GLIS3: variants seen among roughly 807,000 people sequenced by gnomAD.
GLIS3 encodes the protein GLIS family zinc finger 3, also known as zinc finger protein GLIS3.
A neutral mutation model predicts 78.6 loss-of-function variants in GLIS3; 53 were observed. That is an observed-to-expected ratio of 0.67 (90% CI 0.54 to 0.85). GLIS3 has a LOEUF of 0.85. Among genes scored for constraint, GLIS3 ranks in the 40% least tolerant of loss-of-function variants. GLIS3 has a pLI of 0.00. For missense variants in GLIS3, 1,703 were observed against 1,231.1 expected (o/e 1.38, Z -5.74); for synonymous variants, 684 against 509.9 (o/e 1.34, Z -4.60).
chr9:4,208,952 T>C (rs965256276), intron 2 of GLIS3, among the ~76,000 whole-genome samples: 15 of 152,216 alleles, frequency 9.9e-5, no homozygotes, highest in Admixed American at 8.5e-4. Context: ...CCAGCTTCTC[T>C]GATGGTGCAC....
intron 4 of GLIS3, among the ~76,000 whole-genome samples, chr9:4,094,820 C>G (rs1232041083): frequency 1.3e-5 from 2 of 152,110 alleles, no homozygotes; most frequent in African/African-American, 4.8e-5. Flanking sequence ...GGCTCACAAA[C>G]TAGGACAAAA....
chr9:4,407,774 C>G, the GLIS3 span, among the ~76,000 whole-genome samples: 2 of 152,160 alleles, frequency 1.3e-5, no homozygotes, highest in Non-Finnish European at 2.9e-5. Context: ...AGAATCACAT[C>G]AAGTTAAAAA....
chr9:4,478,092 C>T, the GLIS3 span, among the ~76,000 whole-genome samples: 1 of 151,980 alleles, frequency 6.6e-6, no homozygotes, highest in African/African-American at 2.4e-5. Context: ...AGTTTCAGGG[C>T]AAAAAATATA....
intron 4 of GLIS3, among the ~76,000 whole-genome samples, chr9:4,111,116 G>A (rs969787723): frequency 1.3e-5 from 2 of 152,096 alleles, no homozygotes; most frequent in African/African-American, 4.8e-5. Flanking sequence ...ATCTCCAAAG[G>A]TTCGACATAC....
chr9:3,877,844 C>G (rs1588138241), intron 8 of GLIS3, among the ~76,000 whole-genome samples: 1 of 152,120 alleles, frequency 6.6e-6, no homozygotes, highest in East Asian at 1.9e-4. Flanking sequence ...GGTTCAGTTA[C>G]TCAACTATCT....
chr9:4,023,912 C>T lies in GLIS3; in HGVS notation c.1711-86723G>A, dbSNP rs373099151. ...TTTGCTGTGATCGGTGGCCTCAATG[C>T]TCGTTAAACAGGGTATAGGCTGGAT... On this transcript the variant is annotated intron_variant, in intron 4 of 10. Coordinates refer to ENST00000381971, the MANE Select transcript of GLIS3 (RefSeq NM_001042413.2). Among the ~76,000 whole-genome samples the T allele has an allele frequency of 4.3e-4, 66 of 152,012 alleles. No homozygotes were observed. In the East Asian group the frequency reaches 9.5e-3, roughly 22 times the overall value.
chr9:4,058,348 C>A (rs1826319351), intron 4 of GLIS3, among the ~76,000 whole-genome samples: 1 of 152,042 alleles, frequency 6.6e-6, no homozygotes, highest in African/African-American at 2.4e-5. Context: ...GCAGATACTG[C>A]TCTGGGTTCA....
At chr9:4,311,528 A>G (rs868014975) in intron 2 of GLIS3, among the ~76,000 whole-genome samples, 5 of 152,166 alleles carry the variant, frequency 3.3e-5, no homozygotes, top group South Asian at 2.1e-4. Flanking sequence ...TTACACAATA[A>G]GTTTCCGACC....
chr9:3,918,394 T>C (rs1824659035), intron 6 of GLIS3, among the ~76,000 whole-genome samples: 1 of 152,116 alleles, frequency 6.6e-6, no homozygotes, highest in African/African-American at 2.4e-5. Flanking sequence ...CATGACAGTG[T>C]CTCCCTCCTG....
intron 8 of GLIS3, among the ~76,000 whole-genome samples, chr9:3,871,602 A>G (rs1460927777): frequency 6.6e-6 from 1 of 152,184 alleles, no homozygotes; most frequent in Admixed American, 6.5e-5. Flanking sequence ...GGCTTGCACC[A>G]TCTGAAGCCA....
chr9:3,897,200 G>C (rs746209458), intron 7 of GLIS3, among the ~76,000 whole-genome samples: 13 of 152,222 alleles, frequency 8.5e-5, no homozygotes, highest in Admixed American at 6.5e-5. Flanking sequence ...CCCATCACTA[G>C]AAACCATTTA....
At chr9:4,016,951 C>T (rs1822494134) in intron 4 of GLIS3, among the ~76,000 whole-genome samples, 1 of 152,162 alleles carries the variant, frequency 6.6e-6, no homozygotes. Context: ...TTCTGACACC[C>T]GATCCACAAG....
intron 4 of GLIS3, 116 bp downstream of exon 4, chr9:4,117,652 T>C: frequency 1.7e-6 from 2 of 1,152,510 alleles, no homozygotes; most frequent in Non-Finnish European, 2.6e-6. Context: ...CCCCATCTCA[T>C]GGATACCTAG....
At chr9:4,194,893 G>A (rs1818666873) in intron 2 of GLIS3, among the ~76,000 whole-genome samples, 1 of 152,346 alleles carries the variant, frequency 6.6e-6, no homozygotes, top group East Asian at 1.9e-4. Flanking sequence ...CCAGACCCAG[G>A]ACCAAGAGCA....
the GLIS3 span, among the ~76,000 whole-genome samples, chr9:4,408,953 C>G: frequency 2.0e-5 from 3 of 151,620 alleles, no homozygotes; most frequent in African/African-American, 7.3e-5. Flanking sequence ...TCATATACCC[C>G]ACACATACAT....
the GLIS3 span, among the ~76,000 whole-genome samples, chr9:4,425,420 C>A: frequency 6.6e-6 from 1 of 152,366 alleles, no homozygotes; most frequent in South Asian, 2.1e-4. Flanking sequence ...TCTGGCATAT[C>A]TGCCTTCCTG....
At chr9:4,229,813 C>G (rs528553901) in intron 2 of GLIS3, among the ~76,000 whole-genome samples, 1 of 152,326 alleles carries the variant, frequency 6.6e-6, no homozygotes, top group South Asian at 2.1e-4. Flanking sequence ...CATCAAATGT[C>G]ACATCTCCTG....
chr9:4,484,777 C>T, the GLIS3 span, among the ~76,000 whole-genome samples: 2,545 of 152,172 alleles, frequency 0.017, 82 homozygotes, highest in Admixed American at 0.069. Flanking sequence ...ATAGTAATAG[C>T]CCTTCCCAAA....
At chr9:4,197,094 T>G (rs1026769213) in intron 2 of GLIS3, among the ~76,000 whole-genome samples, 1 of 151,886 alleles carries the variant, frequency 6.6e-6, no homozygotes, top group Admixed American at 6.6e-5. Flanking sequence ...CTAGCCTATA[T>G]CAGCAGCCTG....
Sources: allele counts gnomAD v4.1 joint callset (sites outside exome capture counted in the v4.1 genomes callset), GRCh38; gene constraint gnomAD v4.1.1; transcripts MANE v1.5; gene names NCBI Gene and HGNC (gene_info 2026-07-23, HGNC 2026-07-21).